SETDB2: variants seen among roughly 807,000 people sequenced by gnomAD.
SETDB2 encodes the protein histone-lysine N-methyltransferase SETDB2.
In SETDB2, 56 loss-of-function variants were observed where a neutral mutation model predicts 82.5. The ratio of observed to expected loss-of-function variants is 0.68; its 90% CI spans 0.55 to 0.85. The LOEUF (loss-of-function observed/expected upper bound fraction) is 0.85. Ranked by LOEUF, SETDB2 falls within the 40% of genes least tolerant of loss-of-function variation. The pLI, the probability that SETDB2 is intolerant of heterozygous loss-of-function variation, is 0.00. For missense variants in SETDB2, 677 were observed against 816.4 expected, an observed-to-expected ratio of 0.83 and a Z score of 2.08; for synonymous variants, 272 against 284.9, an observed-to-expected ratio of 0.95 and a Z score of 0.46.
chr13:49,474,820 A>C (rs1727751600), intron 5 of SETDB2, among the ~76,000 whole-genome samples: 1 of 152,200 alleles, frequency 6.6e-6, no homozygotes, highest in Non-Finnish European at 1.5e-5. Flanking sequence ...GGCTGTTTAA[A>C]TCTGAATTAA....
At chr13:49,445,308 A>G (rs915229433) in intron 1 of SETDB2, among the ~76,000 whole-genome samples, 4 of 152,222 alleles carry the variant, frequency 2.6e-5, no homozygotes, top group African/African-American at 9.7e-5. Context: ...CTGTCGTTAC[A>G]ATTAAAACGT....
chr13:49,484,865 A>G (rs1217172526), intron 10 of SETDB2, among the ~76,000 whole-genome samples: 1 of 152,220 alleles, frequency 6.6e-6, no homozygotes, highest in East Asian at 1.9e-4. Flanking sequence ...GAGAATTATG[A>G]AAAGATTGGC....
chr13:49,474,516 G>A (rs2038637), intron 5 of SETDB2, among the ~76,000 whole-genome samples: 17 of 152,128 alleles, frequency 1.1e-4, no homozygotes, highest in African/African-American at 1.2e-4. Context: ...GTATCTTTAC[G>A]TGTATGAAAT....
intron 5 of SETDB2, among the ~76,000 whole-genome samples, chr13:49,470,992 C>T (rs1166949944): frequency 1.7e-4 from 4 of 23,590 alleles, no homozygotes; most frequent in Non-Finnish European, 2.7e-4. Context: ...TTTGAGACAG[C>T]AGGGTCTCAC....
rs545537656 is a variant in SETDB2, at chr13:49,468,284, TAA to T, written c.305+327_305+328del. Among the ~76,000 whole-genome samples the T allele has an allele frequency of 1.5e-3, 235 of 152,264 alleles. 1 individual carries two copies. The highest frequency in any genetic ancestry group is 5.5e-3 in the African/African-American group (229 of 41,580). On this transcript the variant is annotated intron_variant, in intron 5 of 13. Transcript: ENST00000611815. ...TACTGCTTAGATTATCTGGAGAATT[TAA>T]AAGTGTCAAAATGTTTCTTTCAGTA...
At chr13:49,450,157 C>T (rs551377797) in intron 1 of SETDB2, among the ~76,000 whole-genome samples, 3 of 152,274 alleles carry the variant, frequency 2.0e-5, no homozygotes, top group East Asian at 3.9e-4. Context: ...GTTTGTCTAG[C>T]GATGTGTGTT....
chr13:49,480,758 A>G (rs1004575259), intron 7 of SETDB2, among the ~76,000 whole-genome samples, 189 bp from the exon 8 acceptor site: 1 of 152,216 alleles, frequency 6.6e-6, no homozygotes, highest in Non-Finnish European at 1.5e-5. Flanking sequence ...TAAAGCACAG[A>G]AAAGTTAAAT....
chr13:49,459,578 G>C (rs1957953596), intron 2 of SETDB2, among the ~76,000 whole-genome samples: 1 of 152,050 alleles, frequency 6.6e-6, no homozygotes, highest in Non-Finnish European at 1.5e-5. Flanking sequence ...GGAAAATTTT[G>C]AAGTATTAGC....
At position 49,476,878 on chromosome 13, in the gene SETDB2, T is replaced by C; in HGVS notation, c.708T>C (p.Asn236=). 6.2e-7 allele frequency: 1 copy of C among 1,614,172 alleles called. No individual in the cohort carries two copies. The highest frequency in any genetic ancestry group is 8.5e-7 in the Non-Finnish European group (1 of 1,180,024). Residue 236 remains asparagine, a synonymous_variant, in exon 6 of 14, where the codon AAT becomes AAC. Transcript: ENST00000611815. ...TTGTTTCTGATGTGGATATTAGCAA[T>C]GGAGTGGAATCAGTGCCCATTTCTT... ...KEVVSDVDIS[N]GVESVPISFC...
At chr13:49,464,047 C>A in intron 4 of SETDB2, 2 of 774,670 alleles carry the variant, frequency 2.6e-6, no homozygotes, top group Non-Finnish European at 4.8e-6. Flanking sequence ...AGTGAATGCC[C>A]AAAGCAGTGG....
intron 5 of SETDB2, among the ~76,000 whole-genome samples, chr13:49,472,334 T>C (rs980536312): frequency 6.6e-6 from 1 of 152,158 alleles, no homozygotes; most frequent in Admixed American, 6.5e-5. Context: ...TGCCAAAAGC[T>C]AGATAATCAG....
chr13:49,458,513 C>T (rs1375288254), intron 2 of SETDB2, among the ~76,000 whole-genome samples: 1 of 152,210 alleles, frequency 6.6e-6, no homozygotes, highest in Non-Finnish European at 1.5e-5. Flanking sequence ...TGAGATACTA[C>T]TCTCCTGGGT....
At chr13:49,477,093 G>A (rs1045842375) in intron 6 of SETDB2, 54 bp downstream of exon 6, 2 of 1,435,078 alleles carry the variant, frequency 1.4e-6, no homozygotes, top group Non-Finnish European at 1.9e-6. Flanking sequence ...AAGGACGCTT[G>A]TTAAGAAGTC....
At chr13:49,479,282 A>G (rs183795430) in intron 6 of SETDB2, among the ~76,000 whole-genome samples, 373 of 152,338 alleles carry the variant, frequency 2.4e-3, no homozygotes, top group Non-Finnish European at 4.4e-3. Flanking sequence ...GAAGAGAACT[A>G]GACAAAATGC....
At chr13:49,479,263 A>C (rs1040271953) in intron 6 of SETDB2, among the ~76,000 whole-genome samples, 3 of 152,228 alleles carry the variant, frequency 2.0e-5, no homozygotes, top group African/African-American at 7.2e-5. Flanking sequence ...TTTGAATTAT[A>C]TATACAGGGA....
intron 9 of SETDB2, 143 bp downstream of exon 9, chr13:49,483,105 T>A: frequency 3.3e-6 from 2 of 607,240 alleles, no homozygotes; most frequent in Non-Finnish European, 5.7e-6. Context: ...CTTTGAGAAA[T>A]CCAGGACATG....
At chr13:49,447,742 C>T (rs1957717688) in intron 1 of SETDB2, among the ~76,000 whole-genome samples, 1 of 152,036 alleles carries the variant, frequency 6.6e-6, no homozygotes, top group South Asian at 2.1e-4. Context: ...GTAATACATT[C>T]TTATTCTACT....
chr13:49,491,434 G>A (rs1049804152), intron 13 of SETDB2, among the ~76,000 whole-genome samples: 9 of 152,172 alleles, frequency 5.9e-5, no homozygotes, highest in Non-Finnish European at 4.4e-5. Flanking sequence ...TTAATTCAGA[G>A]CTATTCCCCA....
intron 5 of SETDB2, among the ~76,000 whole-genome samples, chr13:49,470,966 C>CTTTTT (rs55920370): frequency 1.1e-3 from 87 of 80,444 alleles, no homozygotes; most frequent in Admixed American, 1.6e-3. Flanking sequence ...TTCTTTCTTT[C>CTTTTT]TTTTTTTTTT....
Sources: allele counts gnomAD v4.1 joint callset (sites outside exome capture counted in the v4.1 genomes callset), GRCh38; gene constraint gnomAD v4.1.1; transcripts MANE v1.5; gene names NCBI Gene and HGNC (gene_info 2026-07-23, HGNC 2026-07-21).